Variants in OSTM1 observed in about 807,000 individuals in gnomAD.
OSTM1 encodes osteoclastogenesis associated transmembrane protein 1.
OSTM1 carries 26 observed loss-of-function variants against 35.4 expected under a neutral mutation model. The ratio of observed to expected loss-of-function variants is 0.73; its 90% confidence interval spans 0.54 to 1.02. The LOEUF (loss-of-function observed/expected upper bound fraction) is 1.02, where lower values mean the gene tolerates loss of function less well. OSTM1 is among the 50% of genes least tolerant of loss of function. OSTM1 has a pLI of 0.00. For synonymous variants in OSTM1, 181 were observed against 165.0 expected, an observed-to-expected ratio of 1.10 and a Z score of -0.75; for missense variants, 366 against 409.6, an observed-to-expected ratio of 0.89 and a Z score of 0.92.
chr6:108,059,730 T>C (rs1280631543), intron 2 of OSTM1, among the ~76,000 whole-genome samples: 2 of 152,208 alleles, frequency 1.3e-5, no homozygotes, highest in East Asian at 1.9e-4. Flanking sequence ...TGTTGAAACT[T>C]GATGGCCAAT....
chr6:108,050,881 T>C (rs1582388265), intron 4 of OSTM1, 150 bp downstream of exon 4: 1 of 697,054 alleles, frequency 1.4e-6, no homozygotes, highest in East Asian at 2.6e-5. Context: ...CAGACCAGGA[T>C]ATTCTAAAAC....
intron 5 of OSTM1, 67 bp from the exon 6 acceptor site, chr6:108,044,907 T>G (rs1048751914): frequency 1.2e-6 from 1 of 802,200 alleles, no homozygotes; most frequent in East Asian, 2.8e-5. Context: ...TTTACTATTT[T>G]TATGTAATCT....
rs560758141 is a variant in OSTM1 at position 108,054,898 on chromosome 6, C to G, written c.518-311G>C. Among the ~76,000 whole-genome samples the G allele has an allele frequency of 3.3e-5, 5 of 152,304 alleles. No homozygotes were observed. In the East Asian group the frequency reaches 9.6e-4, roughly 29 times the overall value. ...TATCAGCTATCAAATGCTGCCTTAA[C>G]AGTGCTATTTAGGCATAAGACTGTT... On this transcript the variant is annotated intron_variant, in intron 2 of 5. Coordinates refer to ENST00000193322, the MANE Select transcript of OSTM1 (RefSeq NM_014028.4).
chr6:108,073,128 A>G (rs887258471), intron 1 of OSTM1, among the ~76,000 whole-genome samples: 5 of 152,214 alleles, frequency 3.3e-5, no homozygotes, highest in African/African-American at 1.2e-4. Context: ...TTTATTTTAA[A>G]TAACAGGCTG....
chr6:108,042,643 T>C lies in OSTM1; in HGVS notation c.*2142A>G, dbSNP rs932833109. On this transcript the variant is annotated 3_prime_UTR_variant, in exon 6 of 6. Coordinates refer to ENST00000193322, the MANE Select transcript of OSTM1 (RefSeq NM_014028.4). ...GTTGTCCAGGCTGGTCTCGAACTCA[T>C]AAGCTCCAGCGATCTGCTTCAGCCT... 1.3e-5 allele frequency: 2 copies of C among 152,098 alleles called. No homozygotes were observed. The highest frequency in any genetic ancestry group is 6.6e-5 in the Admixed American group (1 of 15,252). 9.4% of individuals were successfully genotyped at this position (152,098 alleles called of 1,614,324 possible).
chr6:108,057,578 T>C (rs7738504), intron 2 of OSTM1, among the ~76,000 whole-genome samples: 83 of 152,296 alleles, frequency 5.4e-4, no homozygotes, highest in African/African-American at 1.9e-3. Flanking sequence ...TTAAAACAAA[T>C]AATTTCTTTT....
In OSTM1 at chr6:108,074,566, G is replaced by T; in HGVS notation, c.86C>A (p.Ala29Asp). ...GCTGCCGAAGGGGAGCGCGCCCAGG[G>T]CCAGCCCCGACCACAGCAGCAGCCC... ...PLGLLLWSGL[A>D]LGALPFGSSP... The change falls in exon 1 of 6, where the codon GCC becomes GAC. Residue 29 changes from alanine (A) to aspartate (D), a missense_variant. Transcript: ENST00000193322. 6.4e-7 allele frequency: 1 copy of T among 1,560,492 alleles called. No individual in the cohort carries two copies.
chr6:108,056,270 T>C lies in OSTM1; in HGVS notation c.518-1683A>G, dbSNP rs568468623. On this transcript the variant is annotated intron_variant, in intron 2 of 5. Transcript: ENST00000193322. ...CCATTTTATAAATAAGGAACAGAGA[T>C]AGGTTTAGATAAATTAAGGAAGTTG... Among the ~76,000 whole-genome samples, 6 of 152,334 alleles carry C rather than the reference T, an allele frequency of 3.9e-5. No homozygotes were observed. The South Asian group carries it at 1.0e-3, about 26-fold the overall frequency.
intron 2 of OSTM1, among the ~76,000 whole-genome samples, chr6:108,062,535 C>CTTTTTTTTT (rs780041339): frequency 9.4e-4 from 123 of 130,928 alleles, no homozygotes; most frequent in Middle Eastern, 3.9e-3. Flanking sequence ...CTTTTCTTTT[C>CTTTTTTTTT]TTTTTTTTTT....
intron 1 of OSTM1, among the ~76,000 whole-genome samples, chr6:108,072,480 ATAAT>A (rs1046460121): frequency 1.3e-5 from 2 of 151,924 alleles, no homozygotes; most frequent in African/African-American, 2.4e-5. Flanking sequence ...TAAAAATACA[ATAAT>A]TAGTTAGGTG....
chr6:108,042,699 ACT>A lies in OSTM1; in HGVS notation c.*2084_*2085del, dbSNP rs1296252187. The A allele has an allele frequency of 6.6e-6, 1 of 152,306 alleles. No homozygotes were observed. The highest frequency in any genetic ancestry group is 1.9e-4 in the East Asian group (1 of 5,184). 9.4% of individuals were successfully genotyped at this position (152,306 alleles called of 1,614,324 possible). A position where few individuals can be genotyped will look rare whatever the true frequency, so the allele number is the denominator to read the frequency against. On this transcript the variant is annotated 3_prime_UTR_variant, in exon 6 of 6. Coordinates refer to ENST00000193322, the MANE Select transcript of OSTM1 (RefSeq NM_014028.4). Reference sequence around the variant, plus strand: ...AGTGCTGCAAATACAGGTATGAGACACTGTGTCCAGCTGATGGTACTCATAAA... The same window carrying A: ...AGTGCTGCAAATACAGGTATGAGACAGTGTCCAGCTGATGGTACTCATAAA...
chr6:108,060,339 A>C (rs1269256526), intron 2 of OSTM1, among the ~76,000 whole-genome samples: 1 of 152,268 alleles, frequency 6.6e-6, no homozygotes, highest in Non-Finnish European at 1.5e-5. Context: ...TATACCTGCC[A>C]TACTGAGTAT....
Position 108,065,468 on chromosome 6 carries a change from C to G in OSTM1, c.403-1169G>C, listed in dbSNP as rs189924750. The stretch of plus-strand genomic sequence containing the variant: ...GGCCTGACTGGTCTCGAACTCCTGA[C>G]CTCAGACGATCCACCTGCCTCGGCC... On this transcript the variant is annotated intron_variant, in intron 1 of 5. Coordinates refer to ENST00000193322, the MANE Select transcript of OSTM1 (RefSeq NM_014028.4). Among the ~76,000 whole-genome samples the G allele has an allele frequency of 2.5e-4, 37 of 149,318 alleles. 1 individual carries two copies. The Middle Eastern group carries it at 0.011, about 45-fold the overall frequency.
rs533757485 is a variant in OSTM1 at position 108,054,638 on chromosome 6, A to G, written c.518-51T>C. 1.9e-5 allele frequency: 16 copies of G among 847,266 alleles called. No individual in the cohort carries two copies. The South Asian group carries it at 2.1e-4, about 11-fold the overall frequency. The allele number at this position is 847,266 out of a possible 1,614,324, so 52.5% of individuals were successfully genotyped here. ...TTAATATAACTCAAGGAACAATTCT[A>G]TGTTGTCATTTATATCTTAAGCTAT... On this transcript the variant is annotated intron_variant, in intron 2 of 5. Transcript: ENST00000193322.
intron 2 of OSTM1, among the ~76,000 whole-genome samples, chr6:108,061,548 C>T (rs1582394512): frequency 6.6e-6 from 1 of 150,914 alleles, no homozygotes; most frequent in African/African-American, 2.4e-5. Flanking sequence ...TTCTTTAAGA[C>T]AGGGTCTTGC....
At chr6:108,058,129 C>CTGAGCTGAGCTCAGCTCATTGCTG (rs1772200544) in intron 2 of OSTM1, among the ~76,000 whole-genome samples, 1 of 148,306 alleles carries the variant, frequency 6.7e-6, no homozygotes, top group Admixed American at 6.9e-5. Flanking sequence ...CAGCTCATTG[C>CTGAGCTGAGCTCAGCTCATTGCTG]AGCCTCCAAT....
At chr6:108,044,890 A>ATGTT in intron 5 of OSTM1, 50 bp from the exon 6 acceptor site, 1 of 927,146 alleles carries the variant, frequency 1.1e-6, no homozygotes, top group Non-Finnish European at 1.6e-6. Flanking sequence ...ATTATCAAAC[A>ATGTT]TGATTATTTA....
Position 108,041,534 on chromosome 6 carries a change from G to C in OSTM1, c.*3251C>G, listed in dbSNP as rs1378782384. 6.6e-6 allele frequency: 1 copy of C among 152,170 alleles called. No individual in the cohort carries two copies. Among genetic ancestry groups the C allele is most frequent in the Non-Finnish European group, 1.5e-5 (1 of 68,036 alleles). The allele number at this position is 152,170 out of a possible 1,614,324, so 9.4% of individuals were successfully genotyped here. The stretch of plus-strand genomic sequence containing the variant: ...TAGTTTAGAACAAGGAAATTTAGTA[G>C]AGTTGTAACATTTTGGTGCTACATG... On this transcript the variant is annotated 3_prime_UTR_variant, in exon 6 of 6. Transcript: ENST00000193322.
intron 2 of OSTM1, among the ~76,000 whole-genome samples, chr6:108,061,832 C>A (rs1351499423): frequency 6.6e-6 from 1 of 151,702 alleles, no homozygotes; most frequent in Non-Finnish European, 1.5e-5. Flanking sequence ...TGTGAGCCTC[C>A]CCACTGAGCC....
Sources: allele counts gnomAD v4.1 joint callset (sites outside exome capture counted in the v4.1 genomes callset), GRCh38; gene constraint gnomAD v4.1.1; transcripts MANE v1.5; gene names NCBI Gene and HGNC (gene_info 2026-07-23, HGNC 2026-07-21).